Variants in SCYL2 observed in about 807,000 individuals in gnomAD.
SCYL2 encodes SCY1 like pseudokinase 2, also known as SCY1-like protein 2.
In SCYL2, 36 loss-of-function variants were observed where a neutral mutation model predicts 100.4. That is an observed-to-expected ratio of 0.36 (90% confidence interval 0.27 to 0.47). The LOEUF (loss-of-function observed/expected upper bound fraction) is 0.47. Ranked by LOEUF, SCYL2 falls within the 20% of genes least tolerant of loss-of-function variation. SCYL2 has a pLI of 1.00. For synonymous variants in SCYL2, 330 were observed against 359.2 expected, an observed-to-expected ratio of 0.92 and a Z score of 0.92; for missense variants, 902 against 1,083.9, an observed-to-expected ratio of 0.83 and a Z score of 2.36.
rs1173183705 is a variant in SCYL2 at position 100,339,249 on chromosome 12, C to T, written c.*77C>T. 13 of 1,416,298 alleles carry T rather than the reference C, an allele frequency of 9.2e-6. No homozygotes were observed. Among genetic ancestry groups the T allele is most frequent in the Middle Eastern group, 1.9e-4 (1 of 5,386 alleles). The allele number at this position is 1,416,298 out of a possible 1,614,324, so 87.7% of individuals were successfully genotyped here. On this transcript the variant is annotated 3_prime_UTR_variant, in exon 18 of 18. Coordinates refer to ENST00000360820, the MANE Select transcript of SCYL2 (RefSeq NM_017988.6). ...CTGATTTACATCTTTATATAGTTGG[C>T]TTGGAGGAAGTACTTCTATGGGAAA... is the stretch of plus-strand genomic sequence containing the variant.
At chr12:100,270,166 T>C (rs1488014036) in intron 1 of SCYL2, among the ~76,000 whole-genome samples, 2 of 152,048 alleles carry the variant, frequency 1.3e-5, no homozygotes. Context: ...TTTTGTATTT[T>C]TAGTAGAGAC....
At chr12:100,287,272 TTTG>T (rs553036903) in intron 2 of SCYL2, among the ~76,000 whole-genome samples, 16 of 152,060 alleles carry the variant, frequency 1.1e-4, no homozygotes, top group Admixed American at 3.9e-4. Flanking sequence ...TTCTTTGGTT[TTTG>T]TTGTTGTTGT....
intron 4 of SCYL2, among the ~76,000 whole-genome samples, chr12:100,306,546 C>G (rs938651429): frequency 2.6e-5 from 4 of 152,206 alleles, no homozygotes; most frequent in African/African-American, 9.6e-5. Flanking sequence ...CAGCCAGTAT[C>G]ATACTGAATG....
intron 11 of SCYL2, among the ~76,000 whole-genome samples, chr12:100,325,413 A>G (rs1380632737): frequency 2.0e-5 from 3 of 152,242 alleles, no homozygotes; most frequent in Admixed American, 6.5e-5. Context: ...TTATATTTAG[A>G]ACAGTAACTA....
intron 2 of SCYL2, among the ~76,000 whole-genome samples, chr12:100,290,396 C>G (rs1369875323): frequency 1.3e-5 from 2 of 152,152 alleles, no homozygotes; most frequent in Non-Finnish European, 2.9e-5. Flanking sequence ...ACTTACTCCT[C>G]TAATATCCTT....
chr12:100,293,281 A>C (rs912011154), intron 3 of SCYL2, among the ~76,000 whole-genome samples: 1 of 152,086 alleles, frequency 6.6e-6, no homozygotes, highest in Non-Finnish European at 1.5e-5. Context: ...TTGTCATAAA[A>C]ATATTTTTTA....
chr12:100,326,497 C>T, intron 11 of SCYL2, 125 bp from the exon 12 acceptor site: 1 of 646,054 alleles, frequency 1.5e-6, no homozygotes, highest in Non-Finnish European at 2.4e-6. Context: ...AGGATGAGAG[C>T]TTCTAAATCT....
chr12:100,316,101 A>G (rs1046122312), intron 9 of SCYL2, among the ~76,000 whole-genome samples: 2 of 152,096 alleles, frequency 1.3e-5, no homozygotes, highest in Non-Finnish European at 2.9e-5. Flanking sequence ...AGTATTTTTG[A>G]TTATTTTGTT....
intron 2 of SCYL2, among the ~76,000 whole-genome samples, chr12:100,291,205 T>C (rs1453524421): frequency 6.6e-6 from 1 of 152,224 alleles, no homozygotes; most frequent in Non-Finnish European, 1.5e-5. Context: ...CTTTGAATTC[T>C]GTGTCCATAA....
At position 100,292,949 on chromosome 12, in the gene SCYL2, A is replaced by G. The variant is rs140756640; in HGVS notation, c.335+1289A>G. Among the ~76,000 whole-genome samples, 10 of 148,750 alleles carry G rather than the reference A, an allele frequency of 6.7e-5. No homozygotes were observed. The East Asian group carries it at 2.0e-3, about 30-fold the overall frequency. On this transcript the variant is annotated intron_variant, in intron 3 of 17. Transcript: ENST00000360820. ...CCTCCTGCCTCAGCCTCTCAAGTAG[A>G]CTACTACAAGTGTGTGCTACCATGC...
chr12:100,293,519 GTT>G (rs368880318), intron 3 of SCYL2, among the ~76,000 whole-genome samples: 2 of 149,046 alleles, frequency 1.3e-5, no homozygotes, highest in African/African-American at 4.9e-5. Flanking sequence ...GTATTTACAT[GTT>G]TTTTTTTTAT....
intron 11 of SCYL2, 143 bp from the exon 12 acceptor site, chr12:100,326,479 G>A (rs1592966426): frequency 1.8e-6 from 1 of 557,344 alleles, no homozygotes; most frequent in African/African-American, 2.0e-5. Context: ...AATTTCCTAT[G>A]TTGATAAAGG....
At chr12:100,291,786 T>C (rs2096311023) in intron 3 of SCYL2, 126 bp downstream of exon 3, 1 of 832,328 alleles carries the variant, frequency 1.2e-6, no homozygotes, top group South Asian at 2.0e-5. Context: ...TGAGTTCTTA[T>C]GCATTAGTTT....
intron 2 of SCYL2, among the ~76,000 whole-genome samples, chr12:100,290,261 T>C (rs1367564016): frequency 6.6e-6 from 1 of 152,210 alleles, no homozygotes; most frequent in Non-Finnish European, 1.5e-5. Flanking sequence ...TTGAGTGCTG[T>C]ATAGATACAT....
chr12:100,319,993 G>A (rs1468720433), intron 10 of SCYL2, among the ~76,000 whole-genome samples: 3 of 152,146 alleles, frequency 2.0e-5, no homozygotes, highest in East Asian at 1.9e-4. Context: ...ACATTTGGAC[G>A]GGTAGAAGAT....
intron 9 of SCYL2, among the ~76,000 whole-genome samples, chr12:100,317,108 A>G (rs2096349783): frequency 6.6e-6 from 1 of 152,148 alleles, no homozygotes; most frequent in African/African-American, 2.4e-5. Flanking sequence ...TCAAAAAAAA[A>G]AAAAAAGAAA....
At chr12:100,292,587 CT>C (rs1204843553) in intron 3 of SCYL2, among the ~76,000 whole-genome samples, 3 of 152,122 alleles carry the variant, frequency 2.0e-5, no homozygotes, top group Non-Finnish European at 4.4e-5. Context: ...GGCACAAGAT[CT>C]TTTTTTTAAA....
intron 16 of SCYL2, among the ~76,000 whole-genome samples, chr12:100,336,392 T>C (rs1480325486): frequency 6.6e-6 from 1 of 152,114 alleles, no homozygotes; most frequent in Non-Finnish European, 1.5e-5. Context: ...TTCTGTCATT[T>C]CATGGTGTCA....
At chr12:100,295,063 T>G (rs1303946997) in intron 3 of SCYL2, among the ~76,000 whole-genome samples, 1 of 125,364 alleles carries the variant, frequency 8.0e-6, no homozygotes. Flanking sequence ...CCAGATGGGG[T>G]GGCGGGGCAG....
Sources: gnomAD v4.1 joint callset for allele counts (sites outside exome capture counted in the v4.1 genomes callset) on GRCh38, gnomAD v4.1.1 for gene constraint, MANE v1.5 for transcripts, NCBI Gene and HGNC (gene_info 2026-07-23, HGNC 2026-07-21) for gene names.